The following FHAD1 variants were observed in gnomAD, a reference collection of about 807,000 sequenced individuals.
FHAD1 encodes the protein forkhead associated phosphopeptide binding domain 1, also known as forkhead-associated domain-containing protein 1.
A neutral mutation model predicts 191.3 loss-of-function variants in FHAD1; 146 were observed. The observed-to-expected ratio is 0.76, with a 90% CI of 0.67 to 0.88. The LOEUF is 0.88. Among genes scored for constraint, FHAD1 ranks in the 40% least tolerant of loss-of-function variants. The probability of loss-of-function intolerance (pLI) is 0.00; values close to 1 mark genes in which losing one functional copy is unlikely to be tolerated. For missense variants in FHAD1, 1,635 were observed against 1,785.8 expected, an observed-to-expected ratio of 0.92 and a Z score of 1.52; for synonymous variants, 616 against 672.3, an observed-to-expected ratio of 0.92 and a Z score of 1.29.
At chr1:15,283,814 C>A (rs1192304853) in intron 3 of FHAD1, among the ~76,000 whole-genome samples, 2 of 152,230 alleles carry the variant, frequency 1.3e-5, no homozygotes, top group African/African-American at 2.4e-5. Context: ...TGTCCATGCA[C>A]CATCTTGGGG....
intron 18 of FHAD1, among the ~76,000 whole-genome samples, chr1:15,346,118 C>T (rs372898153): frequency 6.6e-5 from 10 of 152,256 alleles, no homozygotes; most frequent in African/African-American, 2.2e-4. Flanking sequence ...GGCGCCCGCA[C>T]CCTGTGTCTG....
chr1:15,335,141 G>T (rs1027652185), intron 14 of FHAD1: 1 of 152,318 alleles, frequency 6.6e-6, no homozygotes, highest in Non-Finnish European at 1.5e-5. Context: ...GAGATGTCAC[G>T]TGCAGCCCAC....
intron 2 of FHAD1, among the ~76,000 whole-genome samples, chr1:15,253,460 C>T (rs758250387): frequency 3.3e-5 from 5 of 152,052 alleles, no homozygotes; most frequent in African/African-American, 9.7e-5. Flanking sequence ...TATGTTTCTG[C>T]GTTGATTTAG....
At chr1:15,352,164 T>C (rs1156594731) in intron 19 of FHAD1, among the ~76,000 whole-genome samples, 1 of 152,224 alleles carries the variant, frequency 6.6e-6, no homozygotes, top group Non-Finnish European at 1.5e-5. Flanking sequence ...CTCTGGTCTT[T>C]TGTTGTACAT....
intron 3 of FHAD1, among the ~76,000 whole-genome samples, chr1:15,281,028 G>A (rs1442600769): frequency 6.6e-6 from 1 of 152,196 alleles, no homozygotes; most frequent in Non-Finnish European, 1.5e-5. Context: ...GTTCTAACAT[G>A]TATAATCCCA....
chr1:15,293,938 G>A (rs1665995785), intron 4 of FHAD1, among the ~76,000 whole-genome samples: 1 of 152,138 alleles, frequency 6.6e-6, no homozygotes, highest in African/African-American at 2.4e-5. Context: ...ACGGTCCTAA[G>A]GCTTTGAGGC....
At chr1:15,291,004 G>A (rs1386441701) in intron 4 of FHAD1, among the ~76,000 whole-genome samples, 2 of 151,304 alleles carry the variant, frequency 1.3e-5, no homozygotes, top group Admixed American at 6.6e-5. Context: ...ATGAGCCACT[G>A]CGCCCAGCCT....
chr1:15,386,263 G>A (rs1486298516), intron 31 of FHAD1, among the ~76,000 whole-genome samples: 6 of 152,236 alleles, frequency 3.9e-5, no homozygotes, highest in Non-Finnish European at 5.9e-5. Flanking sequence ...AAGGCCACTC[G>A]GGGGCGGGGG....
chr1:15,291,431 T>C (rs1664743609), intron 4 of FHAD1, among the ~76,000 whole-genome samples: 1 of 152,196 alleles, frequency 6.6e-6, no homozygotes, highest in South Asian at 2.1e-4. Context: ...ATTTTGTGAA[T>C]TCATTAATTC....
intron 3 of FHAD1, among the ~76,000 whole-genome samples, chr1:15,278,496 C>T (rs1463971431): frequency 3.3e-5 from 2 of 61,228 alleles, no homozygotes; most frequent in East Asian, 3.0e-4. Context: ...TTTTTTGAGA[C>T]GGAGTCTCAC....
chr1:15,240,973 A>AAAGAAAG (rs1557886270), intron 1 of FHAD1, among the ~76,000 whole-genome samples: 3 of 77,814 alleles, frequency 3.9e-5, no homozygotes, highest in African/African-American at 1.5e-4. Flanking sequence ...AAAAAAAAAA[A>AAAGAAAG]AAAGAAAGAA....
At chr1:15,340,684 G>C (rs1346468871) in intron 15 of FHAD1, among the ~76,000 whole-genome samples, 1 of 152,080 alleles carries the variant, frequency 6.6e-6, no homozygotes, top group Non-Finnish European at 1.5e-5. Context: ...TGGATAGAGT[G>C]GGGTAAAGAA....
chr1:15,396,218 G>GCCA (rs1705906609), intron 33 of FHAD1, among the ~76,000 whole-genome samples: 3 of 152,132 alleles, frequency 2.0e-5, no homozygotes, highest in Non-Finnish European at 4.4e-5. Flanking sequence ...TTACTCGGGA[G>GCCA]GCTGAGGTTG....
At chr1:15,349,605 C>T (rs1342008705) in intron 19 of FHAD1, among the ~76,000 whole-genome samples, 2 of 152,224 alleles carry the variant, frequency 1.3e-5, no homozygotes, top group Non-Finnish European at 2.9e-5. Flanking sequence ...GGCCCGGCCT[C>T]CTGGTGTCAT....
At chr1:15,244,542 C>A (rs897139128), upstream of FHAD1, among the ~76,000 whole-genome samples, 1 of 151,892 alleles carries the variant, frequency 6.6e-6, no homozygotes, top group Admixed American at 6.6e-5. The surrounding 1 kb of genome is among the most constrained non-coding windows in gnomAD (Gnocchi z 5.1). Context: ...GGTGTTCAGG[C>A]CTGGGCAGGG....
rs1314517192 is a variant in FHAD1 at position 15,397,281 on chromosome 1, C to T, written c.4324-16C>T. The T allele has an allele frequency of 1.5e-6, 2 of 1,341,168 alleles. No homozygotes were observed. Among genetic ancestry groups the T allele is most frequent in the African/African-American group, 2.9e-5 (2 of 69,226 alleles). The allele number at this position is 1,341,168 out of a possible 1,614,324, so 83.1% of individuals were successfully genotyped here. On this transcript the variant is annotated splice_polypyrimidine_tract_variant and intron_variant, in intron 33 of 33. Coordinates refer to ENST00000688493, the MANE Select transcript of FHAD1 (RefSeq NM_001391957.1). ...CTGCAATGGAGTTTGTGTGTTTTTTCTCTTGCTTGTTAAAGGTTGGAACCA... is the reference window on the plus strand; with the variant it reads ...CTGCAATGGAGTTTGTGTGTTTTTTTTCTTGCTTGTTAAAGGTTGGAACCA...
In FHAD1 at chr1:15,352,279, T is replaced by TAGGTAAA. The variant is rs1691171905; in HGVS notation, c.2455-598_2455-597insAGGTAAA. 3.3e-5 allele frequency among the ~76,000 whole-genome samples: 5 copies of TAGGTAAA among 152,276 alleles called. No individual in the cohort carries two copies. The South Asian group carries it at 1.0e-3, about 32-fold the overall frequency. ...GCTGCAGATAGAGTTTTTCAAACCC[T>TAGGTAAA]CCCTAGCTGTTTACCTCCCAGGGCG... On this transcript the variant is annotated intron_variant, in intron 19 of 33. Coordinates refer to ENST00000688493, the MANE Select transcript of FHAD1 (RefSeq NM_001391957.1).
intron 26 of FHAD1, among the ~76,000 whole-genome samples, chr1:15,371,732 G>C (rs953670171): frequency 3.9e-5 from 6 of 152,218 alleles, no homozygotes; most frequent in African/African-American, 1.4e-4. Flanking sequence ...GGTGACCAAG[G>C]CCAGTGTAGA....
chr1:15,245,335 T>C (rs1018152314), upstream of FHAD1, among the ~76,000 whole-genome samples: 8 of 152,226 alleles, frequency 5.3e-5, no homozygotes, highest in Non-Finnish European at 1.2e-4. Flanking sequence ...TTATTTGCTT[T>C]TGTTGTTCTT....
Sources: allele counts gnomAD v4.1 joint callset (sites outside exome capture counted in the v4.1 genomes callset), GRCh38; gene constraint gnomAD v4.1.1; non-coding constraint Gnocchi (gnomAD v3.1); transcripts MANE v1.5; gene names NCBI Gene and HGNC (gene_info 2026-07-23, HGNC 2026-07-21).